The following NRG1 variants were observed in gnomAD, a reference collection of about 807,000 sequenced individuals.
NRG1 encodes the protein pro-neuregulin-1, membrane-bound isoform.
Under a neutral mutation model 63.8 loss-of-function variants are expected in NRG1, and 18 were observed. The ratio of observed to expected loss-of-function variants is 0.28; its 90% confidence interval spans 0.19 to 0.42. The LOEUF is 0.42. NRG1 is among the 10% of genes least tolerant of loss of function. The probability of loss-of-function intolerance (pLI) is 1.00; values close to 1 mark genes in which losing one functional copy is unlikely to be tolerated. For synonymous variants in NRG1, 302 were observed against 301.3 expected (o/e 1.00, Z -0.02); for missense variants, 762 against 814.7 (o/e 0.94, Z 0.79).
intron 1 of NRG1, among the ~76,000 whole-genome samples, chr8:32,443,062 G>A (rs1362691717): frequency 6.6e-6 from 1 of 151,952 alleles, no homozygotes; most frequent in African/African-American, 2.4e-5. Flanking sequence ...AGCCTCCCAA[G>A]TAGCTAGGAC....
At chr8:31,830,123 A>G (rs141189933) in intron 1 of NRG1, among the ~76,000 whole-genome samples, 8 of 152,328 alleles carry the variant, frequency 5.3e-5, no homozygotes, top group African/African-American at 1.7e-4. Context: ...TGAGAGTATT[A>G]TCATATCAAT....
intron 2 of NRG1, among the ~76,000 whole-genome samples, chr8:32,603,441 T>C (rs1844710508): frequency 6.6e-6 from 1 of 152,166 alleles, no homozygotes; most frequent in South Asian, 2.1e-4. Flanking sequence ...ACCTCATGTT[T>C]ACCTGTTGAC....
intron 1 of NRG1, among the ~76,000 whole-genome samples, chr8:32,575,202 A>G (rs1839388799): frequency 6.6e-6 from 1 of 152,186 alleles, no homozygotes. Context: ...TGGCATAGAC[A>G]TTCATGATAG....
At chr8:32,708,124 C>T (rs1816902331) in intron 5 of NRG1, among the ~76,000 whole-genome samples, 1 of 152,004 alleles carries the variant, frequency 6.6e-6, no homozygotes, top group African/African-American at 2.4e-5. Flanking sequence ...CCTTTCCTAA[C>T]TTATATTATC....
At chr8:32,364,077 T>A (rs1322641470) in intron 1 of NRG1, among the ~76,000 whole-genome samples, 1 of 127,168 alleles carries the variant, frequency 7.9e-6, no homozygotes, top group East Asian at 2.0e-4. Context: ...TGACTAGTCT[T>A]TTTTTTTTTT....
chr8:32,357,043 T>C (rs1319748341), intron 1 of NRG1, among the ~76,000 whole-genome samples: 1 of 152,182 alleles, frequency 6.6e-6, no homozygotes, highest in East Asian at 1.9e-4. Flanking sequence ...AAATGCTGTT[T>C]CTTATGACTA....
intron 1 of NRG1, among the ~76,000 whole-genome samples, chr8:32,391,209 C>T (rs187865075): frequency 6.6e-6 from 1 of 152,114 alleles, no homozygotes; most frequent in East Asian, 1.9e-4. Flanking sequence ...TGGCTCACTG[C>T]AGCCTCTACC....
chr8:32,605,589 A>T (rs767509649), exon 3 of NRG1: 1 of 1,613,514 alleles, frequency 6.2e-7, no homozygotes, highest in Non-Finnish European at 8.5e-7. Flanking sequence ...TTAACAAAGC[A>T]TCACTGGCTG....
chr8:32,121,413 G>A lies in NRG1; in HGVS notation c.38-474415G>A, dbSNP rs1214871533. On this transcript the variant is annotated intron_variant, in intron 1 of 10. Transcript: ENST00000519301. ...CCTGGGAAATCGTGTGTGTGTGTGT[G>A]TGTGTGTGTGTTACCTTTACCTTTG... 2.0e-5 allele frequency among the ~76,000 whole-genome samples: 3 copies of A among 151,902 alleles called. No individual in the cohort carries two copies. In the East Asian group the frequency reaches 5.8e-4, roughly 29 times the overall value.
At chr8:32,711,485 A>G (rs188425758) in intron 5 of NRG1, among the ~76,000 whole-genome samples, 45 of 152,310 alleles carry the variant, frequency 3.0e-4, no homozygotes, top group African/African-American at 8.9e-4. Context: ...AGCTAACATT[A>G]TCAATGCCAA....
intron 1 of NRG1, among the ~76,000 whole-genome samples, chr8:32,160,204 T>G (rs1427377557): frequency 1.3e-5 from 2 of 152,136 alleles, no homozygotes; most frequent in Non-Finnish European, 2.9e-5. Context: ...TTGAAAGGGA[T>G]GAGAATAAGG....
intron 5 of NRG1, among the ~76,000 whole-genome samples, chr8:32,700,377 T>C (rs944351161): frequency 6.6e-6 from 1 of 152,120 alleles, no homozygotes; most frequent in Non-Finnish European, 1.5e-5. Context: ...ACAATTGATA[T>C]AAACAAAAAA....
At position 32,451,913 on chromosome 8, in the gene NRG1, C is replaced by T. The variant is rs1391579618; in HGVS notation, c.38-143915C>T. Among the ~76,000 whole-genome samples the T allele has an allele frequency of 2.0e-5, 3 of 152,114 alleles. No homozygotes were observed. The East Asian group carries it at 5.8e-4, about 29-fold the overall frequency. On this transcript the variant is annotated intron_variant, in intron 1 of 10. Coordinates refer to the NRG1 transcript ENST00000519301. ...TGATGTTGGCTCACTGCAGCCTCCACCTCCCAGGTTCAAGTGATTCTCCCA... is the reference window on the plus strand; with the variant it reads ...TGATGTTGGCTCACTGCAGCCTCCATCTCCCAGGTTCAAGTGATTCTCCCA...
intron 1 of NRG1, among the ~76,000 whole-genome samples, chr8:31,716,532 A>G (rs997941443): frequency 6.6e-6 from 1 of 152,260 alleles, no homozygotes; most frequent in Non-Finnish European, 1.5e-5. Flanking sequence ...AAACATTATC[A>G]GAGAAGGACA....
At chr8:32,707,628 T>C (rs1448969943) in intron 5 of NRG1, among the ~76,000 whole-genome samples, 1 of 152,096 alleles carries the variant, frequency 6.6e-6, no homozygotes, top group African/African-American at 2.4e-5. Context: ...AATATGATAT[T>C]AATAAAAGAT....
intron 1 of NRG1, among the ~76,000 whole-genome samples, chr8:32,068,856 A>G (rs770053515): frequency 2.6e-5 from 4 of 152,210 alleles, no homozygotes; most frequent in Non-Finnish European, 5.9e-5. Flanking sequence ...CAGTGGTCCA[A>G]TCTAAATGAT....
At chr8:32,570,362 G>T (rs1838316733) in intron 1 of NRG1, among the ~76,000 whole-genome samples, 1 of 152,018 alleles carries the variant, frequency 6.6e-6, no homozygotes, top group East Asian at 1.9e-4. Context: ...ATTGTGCTAG[G>T]TTCTGGAAAT....
intron 1 of NRG1, among the ~76,000 whole-genome samples, chr8:32,187,729 G>A (rs988100064): frequency 2.0e-5 from 3 of 151,776 alleles, no homozygotes; most frequent in African/African-American, 4.9e-5. Flanking sequence ...GAGGGGTGGC[G>A]CAAAGCAGTC....
intron 5 of NRG1, among the ~76,000 whole-genome samples, chr8:32,711,954 T>G (rs1817919197): frequency 6.6e-6 from 1 of 152,196 alleles, no homozygotes; most frequent in Non-Finnish European, 1.5e-5. Flanking sequence ...TTAGTTCTAC[T>G]TTTAACATTT....
Sources: gnomAD v4.1 joint callset for allele counts (sites outside exome capture counted in the v4.1 genomes callset) on GRCh38, gnomAD v4.1.1 for gene constraint, MANE v1.5 for transcripts, NCBI Gene and HGNC (gene_info 2026-07-23, HGNC 2026-07-21) for gene names.